The following FAM78B variants were observed in gnomAD, a reference collection of about 807,000 sequenced individuals.
FAM78B encodes the protein protein FAM78B.
In FAM78B, 10 loss-of-function variants were observed where a neutral mutation model predicts 20.0. The observed-to-expected ratio is 0.50, with a 90% confidence interval of 0.31 to 0.85. The LOEUF (loss-of-function observed/expected upper bound fraction) is 0.85, where lower values mean the gene tolerates loss of function less well. FAM78B is among the 40% of genes least tolerant of loss of function. The pLI, the probability that FAM78B is intolerant of heterozygous loss-of-function variation, is 0.05. For synonymous variants in FAM78B, 135 were observed against 132.8 expected (o/e 1.02, Z -0.12); for missense variants, 283 against 345.0 (o/e 0.82, Z 1.42).
rs150065028 is a variant in FAM78B, at chr1:166,091,548, A to G, written c.264-20785T>C. Among the ~76,000 whole-genome samples, 148 of 152,330 alleles carry G rather than the reference A, an allele frequency of 9.7e-4. 1 individual carries two copies. Among genetic ancestry groups the G allele is most frequent in the African/African-American group, 3.4e-3 (143 of 41,570 alleles). ...AGCCATATGGAACTCTAAGTCCAAT[A>G]AACCTCTCTCTTTTGTAAATTGTCC... On this transcript the variant is annotated intron_variant, in intron 1 of 1. Coordinates refer to ENST00000354422, the MANE Select transcript of FAM78B (RefSeq NM_001017961.5).
intron 1 of FAM78B, among the ~76,000 whole-genome samples, chr1:166,117,104 T>C (rs1379928720): frequency 1.4e-4 from 21 of 152,210 alleles, no homozygotes; most frequent in Admixed American, 1.4e-3. Context: ...AATTTAGAAT[T>C]TTCAGACCCC....
chr1:166,132,254 C>G (rs1654902811), intron 1 of FAM78B, among the ~76,000 whole-genome samples: 1 of 152,078 alleles, frequency 6.6e-6, no homozygotes, highest in African/African-American at 2.4e-5. Context: ...TTTCTGTCCT[C>G]TCTTTGCTAC....
intron 1 of FAM78B, among the ~76,000 whole-genome samples, chr1:166,114,573 G>A (rs924802556): frequency 2.6e-5 from 4 of 152,176 alleles, no homozygotes; most frequent in African/African-American, 9.7e-5. Context: ...AAAACTGGGT[G>A]TCTGGGAAGG....
chr1:166,112,114 G>A (rs990457371), intron 1 of FAM78B, among the ~76,000 whole-genome samples: 22 of 152,332 alleles, frequency 1.4e-4, no homozygotes, highest in African/African-American at 4.6e-4. Context: ...AATTCTTGGG[G>A]TATATCTGTC....
chr1:166,061,476 T>C (rs1291662357), intron 2 of FAM78B, among the ~76,000 whole-genome samples: 1 of 152,202 alleles, frequency 6.6e-6, no homozygotes, highest in African/African-American at 2.4e-5. Flanking sequence ...TATGCATGGT[T>C]TCAATTTTAG....
At chr1:166,088,757 C>G (rs1652943272) in intron 1 of FAM78B, among the ~76,000 whole-genome samples, 1 of 152,120 alleles carries the variant, frequency 6.6e-6, no homozygotes, top group African/African-American at 2.4e-5. Context: ...ATTTGGCCAA[C>G]CACGGGGAGG....
At chr1:166,085,217 T>C (rs1402705994) in intron 1 of FAM78B, among the ~76,000 whole-genome samples, 1 of 152,188 alleles carries the variant, frequency 6.6e-6, no homozygotes. Flanking sequence ...AACTGTTACT[T>C]GTAAAGACAC....
At chr1:166,110,674 A>T (rs1045353016) in intron 1 of FAM78B, among the ~76,000 whole-genome samples, 35 of 152,300 alleles carry the variant, frequency 2.3e-4, no homozygotes, top group African/African-American at 7.9e-4. Context: ...ATGGAGCCAC[A>T]CAGGGAGACC....
intron 1 of FAM78B, among the ~76,000 whole-genome samples, chr1:166,072,620 C>G (rs1201681387): frequency 6.6e-6 from 1 of 152,156 alleles, no homozygotes; most frequent in Admixed American, 6.5e-5. Flanking sequence ...GGTTTCATGC[C>G]CCCAAGCAAA....
chr1:166,108,418 A>G (rs1039158536), intron 1 of FAM78B, among the ~76,000 whole-genome samples: 1 of 152,136 alleles, frequency 6.6e-6, no homozygotes, highest in African/African-American at 2.4e-5. Context: ...AAGTAAATAA[A>G]AAATAAATAT....
At chr1:166,161,081 G>A (rs1197993780) in intron 1 of FAM78B, among the ~76,000 whole-genome samples, 3 of 152,142 alleles carry the variant, frequency 2.0e-5, no homozygotes, top group Non-Finnish European at 4.4e-5. Context: ...GGATAAAGTT[G>A]GTTCTTTTGA....
intron 1 of FAM78B, among the ~76,000 whole-genome samples, chr1:166,163,961 G>A (rs1656257260): frequency 6.6e-6 from 1 of 152,126 alleles, no homozygotes. Flanking sequence ...AGTGGGGAAG[G>A]GTCAGGAATC....
At chr1:166,121,517 G>A (rs1318549338) in intron 1 of FAM78B, among the ~76,000 whole-genome samples, 3 of 152,222 alleles carry the variant, frequency 2.0e-5, no homozygotes, top group Non-Finnish European at 4.4e-5. Flanking sequence ...TGGCCCTTCA[G>A]AGCTCCATAC....
intron 1 of FAM78B, among the ~76,000 whole-genome samples, chr1:166,121,403 G>A (rs1268706415): frequency 1.3e-5 from 2 of 152,184 alleles, no homozygotes; most frequent in Non-Finnish European, 2.9e-5. Flanking sequence ...CAGGGAAAGT[G>A]TCCACACAGG....
intron 1 of FAM78B, among the ~76,000 whole-genome samples, chr1:166,095,799 C>CTG (rs1201680398): frequency 1.3e-5 from 2 of 151,906 alleles, no homozygotes; most frequent in African/African-American, 2.4e-5. Flanking sequence ...AGGAACTGTT[C>CTG]TGTGTGTGTG....
intron 1 of FAM78B, among the ~76,000 whole-genome samples, chr1:166,165,728 C>G (rs1284310311): frequency 6.6e-6 from 1 of 152,146 alleles, no homozygotes; most frequent in African/African-American, 2.4e-5. Context: ...CGCGTTCTTC[C>G]CGCCCCGCAC....
intron 1 of FAM78B, among the ~76,000 whole-genome samples, chr1:166,072,263 T>C (rs780898885): frequency 2.0e-5 from 3 of 152,120 alleles, no homozygotes; most frequent in Non-Finnish European, 4.4e-5. Flanking sequence ...CAGTACCTCC[T>C]AGGCCAGTCA....
chr1:166,165,174 G>T (rs1033712714), intron 1 of FAM78B: 2 of 152,252 alleles, frequency 1.3e-5, no homozygotes, highest in Non-Finnish European at 2.9e-5. Context: ...GGCGGTGGGC[G>T]CCAGGGGAAT....
chr1:166,166,855 C>A lies in FAM78B; in HGVS notation c.-607G>T, dbSNP rs1478615764. The A allele has an allele frequency of 6.6e-6, 1 of 151,270 alleles. No individual in the cohort carries two copies. Among genetic ancestry groups the A allele is most frequent in the Admixed American group, 6.6e-5 (1 of 15,174 alleles). 9.4% of individuals were successfully genotyped at this position (151,270 alleles called of 1,614,324 possible). A position where few individuals can be genotyped will look rare whatever the true frequency, so the allele number is the denominator to read the frequency against. On this transcript the variant is annotated 5_prime_UTR_variant, in exon 1 of 2. Transcript: ENST00000354422. Reference sequence around the variant, plus strand: ...GGCGGCGACCGGAGCTCCCGCCGGCCCCGCCCCGTAGCCGGACCACACCGA... The same window carrying A: ...GGCGGCGACCGGAGCTCCCGCCGGCACCGCCCCGTAGCCGGACCACACCGA...
Sources: gnomAD v4.1 joint callset for allele counts (sites outside exome capture counted in the v4.1 genomes callset) on GRCh38, gnomAD v4.1.1 for gene constraint, MANE v1.5 for transcripts, NCBI Gene and HGNC (gene_info 2026-07-23, HGNC 2026-07-21) for gene names.